GRAMD2B: variants seen among roughly 807,000 people sequenced by gnomAD.
GRAMD2B encodes the protein GRAM domain-containing protein 2B.
A neutral mutation model predicts 59.2 loss-of-function variants in GRAMD2B; 41 were observed. The observed-to-expected ratio is 0.69, with a 90% confidence interval of 0.54 to 0.90. The LOEUF (loss-of-function observed/expected upper bound fraction) is 0.90. Ranked by LOEUF, GRAMD2B falls within the 40% of genes least tolerant of loss-of-function variation. The pLI, the probability that GRAMD2B is intolerant of heterozygous loss-of-function variation, is 0.00. For missense variants in GRAMD2B, 424 were observed against 500.5 expected (o/e 0.85, Z 1.46); for synonymous variants, 161 against 182.7 (o/e 0.88, Z 0.96).
At position 126,451,693 on chromosome 5, in the gene GRAMD2B, G is replaced by T. The variant is rs188426013; in HGVS notation, c.84-13733G>T. The stretch of plus-strand genomic sequence containing the variant: ...GCAATGTGAGGACGAGATGTGGGGG[G>T]CCAGCGGCAGAATGATATGGTTTGG... On this transcript the variant is annotated intron_variant, in intron 1 of 13. Coordinates refer to ENST00000285689, the MANE Select transcript of GRAMD2B (RefSeq NM_023927.4). Among the ~76,000 whole-genome samples, 775 of 152,238 alleles carry T rather than the reference G, an allele frequency of 5.1e-3. 8 individuals carry two copies. The highest frequency in any genetic ancestry group is 0.018 in the African/African-American group (751 of 41,544).
rs544385769 is a variant in GRAMD2B, at chr5:126,378,330, AT to A, written c.125+6764del. ...AGTATCAGCTATAAATTATAAAAAA[AT>A]ATTGTAGAATATGTCAGACAGTTAG... On this transcript the variant is annotated intron_variant, in intron 1 of 8. Coordinates refer to the GRAMD2B transcript ENST00000506445. Among the ~76,000 whole-genome samples the A allele has an allele frequency of 6.1e-4, 93 of 152,356 alleles. 1 individual carries two copies. Among genetic ancestry groups the A allele is most frequent in the African/African-American group, 1.7e-3 (69 of 41,596 alleles).
chr5:126,368,759 T>A (rs1754586082), upstream of GRAMD2B, among the ~76,000 whole-genome samples: 1 of 152,208 alleles, frequency 6.6e-6, no homozygotes, highest in African/African-American at 2.4e-5. Context: ...CACAATTTCT[T>A]ATAATAAGGA....
chr5:126,383,206 T>C (rs1755811465), intron 1 of GRAMD2B, among the ~76,000 whole-genome samples: 1 of 152,246 alleles, frequency 6.6e-6, no homozygotes, highest in African/African-American at 2.4e-5. Flanking sequence ...CATTAAAAGC[T>C]TTTGATTTTT....
chr5:126,439,086 G>A (rs1033876733), intron 1 of GRAMD2B, among the ~76,000 whole-genome samples: 1 of 152,038 alleles, frequency 6.6e-6, no homozygotes, highest in South Asian at 2.1e-4. Context: ...AAAGGTTGCT[G>A]GTGATAAGGC....
At chr5:126,401,539 C>T (rs1474498106) in intron 1 of GRAMD2B, among the ~76,000 whole-genome samples, 1 of 151,862 alleles carries the variant, frequency 6.6e-6, no homozygotes, top group Non-Finnish European at 1.5e-5. Context: ...TCTTTCATTG[C>T]TATCTTCACA....
chr5:126,367,448 G>GGAA (rs1754510570), upstream of GRAMD2B, among the ~76,000 whole-genome samples: 1 of 146,646 alleles, frequency 6.8e-6, no homozygotes, highest in Admixed American at 6.7e-5. Context: ...AGGAGGAGGA[G>GGAA]GAGGAGGAGG....
At chr5:126,370,791 T>C (rs962836817), upstream of GRAMD2B, among the ~76,000 whole-genome samples, 1 of 152,218 alleles carries the variant, frequency 6.6e-6, no homozygotes, top group Admixed American at 6.5e-5. Flanking sequence ...TTGTTACTGT[T>C]TGGGTACAAG....
At chr5:126,455,668 A>G (rs888692004) in intron 1 of GRAMD2B, among the ~76,000 whole-genome samples, 3 of 152,242 alleles carry the variant, frequency 2.0e-5, no homozygotes, top group African/African-American at 7.2e-5. Flanking sequence ...TCTCCAATCC[A>G]AAGGACTGTT....
chr5:126,360,587 T>C, intron 1 of GRAMD2B: 1 of 897,082 alleles, frequency 1.1e-6, no homozygotes. Context: ...GATTGCCCAC[T>C]GGGGGAGTTT....
At chr5:126,449,691 A>G (rs940832320) in intron 1 of GRAMD2B, among the ~76,000 whole-genome samples, 2 of 152,194 alleles carry the variant, frequency 1.3e-5, no homozygotes, top group African/African-American at 4.8e-5. Flanking sequence ...GAGTCCCATT[A>G]ATTTTTTTTA....
At chr5:126,394,584 ATTCCATTTCAATATTCTGCC>A (rs1312146052) in intron 1 of GRAMD2B, among the ~76,000 whole-genome samples, 3 of 152,274 alleles carry the variant, frequency 2.0e-5, no homozygotes, top group East Asian at 1.9e-4. Context: ...AATATTCTGC[ATTCCATTTCAATATTCTGCC>A]TTCCATTTCA....
intron 11 of GRAMD2B, among the ~76,000 whole-genome samples, chr5:126,486,424 A>T (rs749506933): frequency 2.0e-5 from 3 of 152,202 alleles, no homozygotes; most frequent in African/African-American, 7.2e-5. Flanking sequence ...GCGTGTAACC[A>T]ATTGTTCTTC....
chr5:126,437,383 C>CCAT (rs1762583813), intron 1 of GRAMD2B, among the ~76,000 whole-genome samples: 1 of 152,130 alleles, frequency 6.6e-6, no homozygotes, highest in Admixed American at 6.5e-5. Context: ...GATTATGATG[C>CCAT]CATTGCATTA....
At chr5:126,400,274 T>G (rs557781595) in intron 1 of GRAMD2B, among the ~76,000 whole-genome samples, 1 of 152,152 alleles carries the variant, frequency 6.6e-6, no homozygotes, top group East Asian at 1.9e-4. Context: ...GAACATCTTA[T>G]AATTATGTTA....
chr5:126,361,202 G>A (rs965247104), intron 1 of GRAMD2B, among the ~76,000 whole-genome samples: 1 of 152,110 alleles, frequency 6.6e-6, no homozygotes, highest in African/African-American at 2.4e-5. Flanking sequence ...GGGTTGTTAG[G>A]CTTAGCCCAG....
intron 1 of GRAMD2B, among the ~76,000 whole-genome samples, chr5:126,405,298 A>G (rs988378902): frequency 6.6e-6 from 1 of 151,838 alleles, no homozygotes; most frequent in Non-Finnish European, 1.5e-5. Context: ...TGGCTCTTTT[A>G]AGTACTTCTT....
intron 1 of GRAMD2B, among the ~76,000 whole-genome samples, chr5:126,449,810 G>A (rs1005773960): frequency 2.0e-5 from 3 of 152,194 alleles, no homozygotes; most frequent in Non-Finnish European, 4.4e-5. Context: ...GCATGAGACC[G>A]AAACCTGGCC....
chr5:126,493,040 C>T lies in GRAMD2B; in HGVS notation c.*84C>T. On this transcript the variant is annotated 3_prime_UTR_variant, in exon 14 of 14. Coordinates refer to ENST00000285689, the MANE Select transcript of GRAMD2B (RefSeq NM_023927.4). The stretch of plus-strand genomic sequence containing the variant: ...CCTGAGGCGTTTTGTTTGAGTGCAC[C>T]CTGCTGGTCAGAGGTGCAAGCAGAT... 1 of 1,023,900 alleles carries T rather than the reference C, an allele frequency of 9.8e-7. No individual in the cohort carries two copies. The highest frequency in any genetic ancestry group is 1.5e-6 in the Non-Finnish European group (1 of 651,886). The allele number at this position is 1,023,900 out of a possible 1,614,324, so 63.4% of individuals were successfully genotyped here. A position where few individuals can be genotyped will look rare whatever the true frequency, so the allele number is the denominator to read the frequency against.
chr5:126,471,645 G>A (rs752248250), intron 3 of GRAMD2B, among the ~76,000 whole-genome samples: 20 of 152,104 alleles, frequency 1.3e-4, no homozygotes, highest in Admixed American at 6.5e-5. Flanking sequence ...AGGAAGAGTG[G>A]CCATATGTTG....
Sources: gnomAD v4.1 joint callset for allele counts (sites outside exome capture counted in the v4.1 genomes callset) on GRCh38, gnomAD v4.1.1 for gene constraint, MANE v1.5 for transcripts, NCBI Gene and HGNC (gene_info 2026-07-23, HGNC 2026-07-21) for gene names.